The following CLNS1A variants were observed in gnomAD, a reference collection of about 807,000 sequenced individuals.
CLNS1A encodes the protein chloride nucleotide-sensitive channel 1A.
Under a neutral mutation model 29.4 loss-of-function variants are expected in CLNS1A, and 16 were observed. That is an observed-to-expected ratio of 0.54 (90% CI 0.37 to 0.83). The LOEUF (loss-of-function observed/expected upper bound fraction) is 0.83, where lower values mean the gene tolerates loss of function less well. Among genes scored for constraint, CLNS1A ranks in the 40% least tolerant of loss-of-function variants. The pLI, the probability that CLNS1A is intolerant of heterozygous loss-of-function variation, is 0.00. For missense variants in CLNS1A, 235 were observed against 287.4 expected, an observed-to-expected ratio of 0.82 and a Z score of 1.32; for synonymous variants, 96 against 104.8, an observed-to-expected ratio of 0.92 and a Z score of 0.51.
intron 1 of CLNS1A, among the ~76,000 whole-genome samples, chr11:77,634,447 C>T (rs1031439097): frequency 1.5e-4 from 23 of 152,106 alleles, no homozygotes; most frequent in East Asian, 9.7e-4. Flanking sequence ...TTATTTTGGC[C>T]GGGCACGGTG....
chr11:77,634,723 CAAAA>C (rs763196921), intron 1 of CLNS1A, among the ~76,000 whole-genome samples: 1 of 54,096 alleles, frequency 1.8e-5, no homozygotes. Flanking sequence ...GACTCTGTCT[CAAAA>C]AAAAAAAAAA....
chr11:77,630,720 T>G (rs1959065221), intron 1 of CLNS1A, among the ~76,000 whole-genome samples: 1 of 152,126 alleles, frequency 6.6e-6, no homozygotes, highest in African/African-American at 2.4e-5. Flanking sequence ...GCTAATTTTC[T>G]GATAATACTT....
At chr11:77,636,013 T>C (rs1391219020) in intron 1 of CLNS1A, among the ~76,000 whole-genome samples, 1 of 152,208 alleles carries the variant, frequency 6.6e-6, no homozygotes, top group Non-Finnish European at 1.5e-5. Context: ...ACTAACACTT[T>C]AACGACCTCC....
chr11:77,626,329 T>C (rs1959019146), intron 2 of CLNS1A, among the ~76,000 whole-genome samples: 1 of 152,098 alleles, frequency 6.6e-6, no homozygotes, highest in Non-Finnish European at 1.5e-5. Flanking sequence ...GTGATCCTCC[T>C]GTCTTGGCCA....
At chr11:77,626,008 G>A (rs974089620) in intron 2 of CLNS1A, among the ~76,000 whole-genome samples, 190 bp from the exon 3 acceptor site, 13 of 151,980 alleles carry the variant, frequency 8.6e-5, no homozygotes, top group African/African-American at 2.4e-4. Context: ...TCCTGACCTC[G>A]AGATCCACGC....
At chr11:77,629,387 ACT>A (rs1210797196) in intron 2 of CLNS1A, among the ~76,000 whole-genome samples, 1 of 149,800 alleles carries the variant, frequency 6.7e-6, no homozygotes, top group Non-Finnish European at 1.5e-5. Flanking sequence ...ATTATCAAAG[ACT>A]CTTTTTTTTC....
chr11:77,622,582 T>C lies in CLNS1A; in HGVS notation c.564A>G (p.Leu188=). ...TAEGQATLER[L]EGMLSQSVSS... ...TCACAGACTGAGAAAGCATTCCTTC[T>C]AATCTCTCCAGTGTGGCTTGGCCTT... Residue 188 remains leucine (L), a synonymous_variant, in exon 5 of 7, where the codon TTA becomes TTG. Coordinates refer to ENST00000525428, the MANE Select transcript of CLNS1A (RefSeq NM_001293.3). The C allele has an allele frequency of 6.2e-7, 1 of 1,613,924 alleles. No individual in the cohort carries two copies. Among genetic ancestry groups the C allele is most frequent in the East Asian group, 2.2e-5 (1 of 44,882 alleles).
chr11:77,637,301 G>A (rs1590807192), intron 1 of CLNS1A, among the ~76,000 whole-genome samples: 3 of 90,324 alleles, frequency 3.3e-5, no homozygotes, highest in South Asian at 3.6e-4. Flanking sequence ...AAGAAAGAAA[G>A]AGAGAAAGAG....
rs144955586 is a variant in CLNS1A, at chr11:77,627,143, G to C, written c.263-1325C>G. ...TTATGAGAGGAGTTTAAGATAAAAAGAACTAAAGGGCCAAGCGAGGTGGCT... is the reference window on the plus strand; with the variant it reads ...TTATGAGAGGAGTTTAAGATAAAAACAACTAAAGGGCCAAGCGAGGTGGCT... On this transcript the variant is annotated intron_variant, in intron 2 of 6. Coordinates refer to ENST00000525428, the MANE Select transcript of CLNS1A (RefSeq NM_001293.3). Among the ~76,000 whole-genome samples, 607 of 151,314 alleles carry C rather than the reference G, an allele frequency of 4.0e-3. 3 individuals carry two copies. The highest frequency in any genetic ancestry group is 0.014 in the African/African-American group (583 of 41,308).
At chr11:77,631,329 T>TA (rs1415812962) in intron 1 of CLNS1A, among the ~76,000 whole-genome samples, 1 of 151,950 alleles carries the variant, frequency 6.6e-6, no homozygotes, top group Non-Finnish European at 1.5e-5. Context: ...GTATACTTTT[T>TA]TTTTTTTTTT....
chr11:77,637,271 AAAGAAAG>A (rs1959139140), intron 1 of CLNS1A, among the ~76,000 whole-genome samples: 3 of 143,472 alleles, frequency 2.1e-5, no homozygotes, highest in East Asian at 2.0e-4. Flanking sequence ...AAAATAAAAG[AAAGAAAG>A]AAAGAAAAGA....
intron 1 of CLNS1A, among the ~76,000 whole-genome samples, chr11:77,635,074 C>T (rs963699792): frequency 8.5e-5 from 13 of 152,086 alleles, no homozygotes; most frequent in African/African-American, 3.1e-4. Flanking sequence ...CGAAGTGCTG[C>T]GATTACAGGC....
chr11:77,621,722 A>G (rs972543039), intron 5 of CLNS1A: 1 of 267,382 alleles, frequency 3.7e-6, no homozygotes, highest in Non-Finnish European at 7.6e-6. Context: ...TTGGTCAAAC[A>G]TTATTCTAGA....
chr11:77,618,626 G>A (rs1438135466), intron 6 of CLNS1A: 1 of 152,200 alleles, frequency 6.6e-6, no homozygotes, highest in Non-Finnish European at 1.5e-5. Context: ...AAGAAGCAAT[G>A]TTATACAGTT....
rs1258424490 is a variant in CLNS1A, at chr11:77,625,753, T to G, written c.328A>C (p.Thr110Pro). 2 of 1,612,840 alleles carry G rather than the reference T, an allele frequency of 1.2e-6. No homozygotes were observed. The highest frequency in any genetic ancestry group is 1.7e-6 in the Non-Finnish European group (2 of 1,179,196). Reference sequence around the variant, plus strand: ...TCACTAGGCACAAATCTAAATTCAGTAATAGGTTCAACATCATCATCACTG... The same window carrying G: ...TCACTAGGCACAAATCTAAATTCAGGAATAGGTTCAACATCATCATCACTG... ...EDSDDDVEPI[T>P]EFRFVPSDKS... The change falls in exon 3 of 7, where the codon ACT (threonine) becomes CCT (proline). Residue 110 changes from threonine to proline, a missense_variant. Transcript: ENST00000525428.
In CLNS1A at chr11:77,624,974, A is replaced by C; in HGVS notation, c.461T>G (p.Val154Gly). The change falls in exon 4 of 7, where the codon GTG becomes GGG. Residue 154 changes from valine (V) to glycine (G), a missense_variant. By Grantham distance (109) the Val-to-Gly change is moderately radical. Transcript: ENST00000525428. Reference protein sequence around the residue: ...SDDYDGEEYDVEAHEQGQGDI... With the variant: ...SDDYDGEEYDGEAHEQGQGDI... ...TCCATTTCACTAACCATGTGCTTCC[A>C]CATCATATTCTTCTCCATCGTAGTC... 1 of 1,607,540 alleles carries C rather than the reference A, an allele frequency of 6.2e-7. No individual in the cohort carries two copies. The highest frequency in any genetic ancestry group is 1.1e-5 in the South Asian group (1 of 89,786).
chr11:77,637,687 G>A lies in CLNS1A; in HGVS notation c.28C>T (p.Pro10Ser). ...CGCAGGAGCCCCTCCGCTGGCCCAG[G>A]CGGCGGGAAACTTTTGAGGAAGCTC... MSFLKSFPPPGPAEGLLRQQ... is the reference protein window; with the variant it reads MSFLKSFPPSGPAEGLLRQQ... The change falls in exon 1 of 7, where the codon CCT becomes TCT. Residue 10 changes from proline (P) to serine (S), a missense_variant. Coordinates refer to ENST00000525428, the MANE Select transcript of CLNS1A (RefSeq NM_001293.3). The A allele has an allele frequency of 3.8e-6, 6 of 1,561,788 alleles. No individual in the cohort carries two copies. The highest frequency in any genetic ancestry group is 5.2e-6 in the Non-Finnish European group (6 of 1,153,104).
chr11:77,617,403 G>A (rs1958915320), intron 6 of CLNS1A, among the ~76,000 whole-genome samples: 1 of 149,772 alleles, frequency 6.7e-6, no homozygotes, highest in Non-Finnish European at 1.5e-5. Flanking sequence ...TTAGCCGGGT[G>A]TGGTGGTGGG....
intron 5 of CLNS1A, among the ~76,000 whole-genome samples, chr11:77,621,055 G>C (rs1958952801): frequency 6.7e-6 from 1 of 150,300 alleles, no homozygotes; most frequent in Non-Finnish European, 1.5e-5. Flanking sequence ...CCAATACTTT[G>C]GGAGGCTGAG....
Sources: gnomAD v4.1 joint callset for allele counts (sites outside exome capture counted in the v4.1 genomes callset) on GRCh38, gnomAD v4.1.1 for gene constraint, MANE v1.5 for transcripts, NCBI Gene and HGNC (gene_info 2026-07-23, HGNC 2026-07-21) for gene names.